PKD2L2: variants seen among roughly 807,000 people sequenced by gnomAD.
PKD2L2 encodes polycystin-2-like protein 2.
A neutral mutation model predicts 83.9 loss-of-function variants in PKD2L2; 67 were observed. That is an observed-to-expected ratio of 0.80 (90% CI 0.66 to 0.98). The LOEUF is 0.98. PKD2L2 is among the 50% of genes least tolerant of loss of function. The pLI, the probability that PKD2L2 is intolerant of heterozygous loss-of-function variation, is 0.00. For synonymous variants in PKD2L2, 223 were observed against 237.8 expected, an observed-to-expected ratio of 0.94 and a Z score of 0.57; for missense variants, 632 against 717.2, an observed-to-expected ratio of 0.88 and a Z score of 1.36.
At chr5:137,936,730 C>CTTTGGG (rs1760456204) in intron 14 of PKD2L2, among the ~76,000 whole-genome samples, 1 of 152,370 alleles carries the variant, frequency 6.6e-6, no homozygotes, top group East Asian at 1.9e-4. Context: ...GCTGGGATGA[C>CTTTGGG]AGGCGTGAGC....
intron 8 of PKD2L2, among the ~76,000 whole-genome samples, chr5:137,916,475 C>CCTT (rs1274018088): frequency 1.8e-4 from 17 of 93,204 alleles, no homozygotes; most frequent in Non-Finnish European, 2.6e-4. Flanking sequence ...CACTTTTCTT[C>CCTT]TTTTTTTTTT....
chr5:137,931,236 C>T (rs568359227), intron 12 of PKD2L2, among the ~76,000 whole-genome samples: 20 of 152,232 alleles, frequency 1.3e-4, no homozygotes, highest in East Asian at 9.6e-4. Flanking sequence ...ATCAATCAGA[C>T]GGTCTTCACA....
intron 12 of PKD2L2, among the ~76,000 whole-genome samples, chr5:137,927,830 C>G (rs561374676): frequency 6.6e-6 from 1 of 152,226 alleles, no homozygotes; most frequent in East Asian, 1.9e-4. Flanking sequence ...AGGCTGGTCT[C>G]GAACTCTTTA....
rs1762202664 is a variant in PKD2L2, at chr5:137,942,638, T to C, written c.*272T>C. Reference sequence around the variant, plus strand: ...TCAGCTTCAAAAACTGCTGGGATTATAGGCATGAGCCACTGTGCCTGGCTA... The same window carrying C: ...TCAGCTTCAAAAACTGCTGGGATTACAGGCATGAGCCACTGTGCCTGGCTA... On this transcript the variant is annotated 3_prime_UTR_variant, in exon 15 of 15. Transcript: ENST00000508883. 2.4e-5 allele frequency: 11 copies of C among 449,346 alleles called. No homozygotes were observed. Among genetic ancestry groups the C allele is most frequent in the African/African-American group, 4.1e-5 (2 of 48,426 alleles). 27.8% of individuals were successfully genotyped at this position (449,346 alleles called of 1,614,324 possible).
rs1757370497 is a variant in PKD2L2, at chr5:137,906,422, G to T, written c.963G>T (p.Leu321Phe). Reference protein sequence around the residue: ...YFKSIWNWLELLLLLLCFVAV... With the variant: ...YFKSIWNWLEFLLLLLCFVAV... ...AAAGTATTTGGAACTGGCTAGAATT[G>T]CTACTTTTGCTGGTGAGTATATATT... is the stretch of plus-strand genomic sequence containing the variant. Residue 321 changes from leucine (L) to phenylalanine (F), a missense_variant, in exon 6 of 15, where the codon TTG becomes TTT. By Grantham distance (22) the Leu-to-Phe change is conservative (BLOSUM62 0). Transcript: ENST00000508883. 2 of 1,579,598 alleles carry T rather than the reference G, an allele frequency of 1.3e-6. No homozygotes were observed. Among genetic ancestry groups the T allele is most frequent in the African/African-American group, 2.7e-5 (2 of 74,066 alleles).
At chr5:137,940,459 G>C in intron 14 of PKD2L2, 1 of 557,486 alleles carries the variant, frequency 1.8e-6, no homozygotes, top group Non-Finnish European at 2.9e-6. Flanking sequence ...CAAATAAAAA[G>C]TTGTTCTGTT....
At position 137,907,831 on chromosome 5, in the gene PKD2L2, T is replaced by C; in HGVS notation, c.1065T>C (p.Tyr355=). The C allele has an allele frequency of 6.4e-7, 1 of 1,563,108 alleles. No individual in the cohort carries two copies. Among genetic ancestry groups the C allele is most frequent in the Admixed American group, 1.7e-5 (1 of 59,336 alleles). The part of the protein sequence containing the change: ...LGQLLKSTEK[Y]SDFYFLACWH... The stretch of plus-strand genomic sequence containing the variant: ...AGCTGTTGAAAAGTACTGAAAAATA[T>C]TCAGATTTCTATTTTCTTGCATGCT... Residue 355 remains tyrosine (Y), a synonymous_variant, in exon 7 of 15, where the codon TAT becomes TAC. Coordinates refer to ENST00000508883, the MANE Select transcript of PKD2L2 (RefSeq NM_001300921.2).
At chr5:137,914,927 T>C (rs750286764) in intron 8 of PKD2L2, among the ~76,000 whole-genome samples, 1 of 152,246 alleles carries the variant, frequency 6.6e-6, no homozygotes, top group Non-Finnish European at 1.5e-5. Flanking sequence ...ATCACATTTA[T>C]TGATTTGTGT....
intron 5 of PKD2L2, among the ~76,000 whole-genome samples, chr5:137,901,293 T>C (rs1359432465): frequency 6.6e-6 from 1 of 152,140 alleles, no homozygotes; most frequent in Non-Finnish European, 1.5e-5. Context: ...ATAGCAGAAG[T>C]AGCTTTTGCC....
At chr5:137,937,688 T>C (rs1293357401) in intron 14 of PKD2L2, among the ~76,000 whole-genome samples, 2 of 152,224 alleles carry the variant, frequency 1.3e-5, no homozygotes, top group Non-Finnish European at 2.9e-5. Flanking sequence ...GTACATCCAG[T>C]GTTCTTAATA....
At chr5:137,921,852 G>C (rs1295598378) in intron 9 of PKD2L2, 96 bp downstream of exon 9, 3 of 944,816 alleles carry the variant, frequency 3.2e-6, no homozygotes, top group Non-Finnish European at 3.2e-6. Flanking sequence ...TCAGCTGTCA[G>C]AGTACTTTAC....
chr5:137,894,486 T>C lies in PKD2L2; in HGVS notation c.401T>C (p.Leu134Pro). The C allele has an allele frequency of 6.2e-7, 1 of 1,614,070 alleles. No homozygotes were observed. Among genetic ancestry groups the C allele is most frequent in the Non-Finnish European group, 8.5e-7 (1 of 1,179,954 alleles). Residue 134 changes from leucine to proline, a missense_variant, in exon 4 of 15, where the codon CTA (leucine) becomes CCA (proline). Physicochemically the swap from Leu to Pro is moderately conservative, Grantham distance 98. Transcript: ENST00000508883. ...ILLGVPRVRQLKVRNNTCKVY... is the reference protein window; with the variant it reads ...ILLGVPRVRQPKVRNNTCKVY... Reference sequence around the variant, plus strand: ...CTAGGAGTTCCCAGAGTTCGTCAACTAAAAGTCCGCAACAACACATGCAAA... The same window carrying C: ...CTAGGAGTTCCCAGAGTTCGTCAACCAAAAGTCCGCAACAACACATGCAAA...
intron 14 of PKD2L2, among the ~76,000 whole-genome samples, chr5:137,941,055 G>A (rs951518635): frequency 6.6e-6 from 1 of 151,990 alleles, no homozygotes; most frequent in African/African-American, 2.4e-5. Flanking sequence ...ACAGGTGCCC[G>A]CCACCACGCC....
chr5:137,923,569 T>C (rs1279099503), intron 10 of PKD2L2, 48 bp downstream of exon 10: 6 of 870,166 alleles, frequency 6.9e-6, no homozygotes, highest in South Asian at 1.3e-5. Context: ...AAACCTCATA[T>C]AGTTTATCCT....
Position 137,892,634 on chromosome 5 carries a change from G to A in PKD2L2, c.267+21G>A, listed in dbSNP as rs762861467. 4 of 1,605,380 alleles carry A rather than the reference G, an allele frequency of 2.5e-6. No individual in the cohort carries two copies. In the Admixed American group the frequency reaches 5.1e-5, roughly 21 times the overall value. On this transcript the variant is annotated intron_variant, in intron 3 of 14. Transcript: ENST00000508883. ...GGAAGGTAAAGTATCTTGTGACTGT[G>A]GATGAAGTAGATTTAGGTAGTCCAT...
chr5:137,932,907 C>G (rs1759992717), intron 12 of PKD2L2, among the ~76,000 whole-genome samples: 1 of 152,112 alleles, frequency 6.6e-6, no homozygotes, highest in African/African-American at 2.4e-5. Flanking sequence ...GATACTCAAT[C>G]TGTACTTCTT....
At chr5:137,910,072 A>C (rs1757688099) in intron 8 of PKD2L2, among the ~76,000 whole-genome samples, 1 of 151,908 alleles carries the variant, frequency 6.6e-6, no homozygotes, top group African/African-American at 2.4e-5. Context: ...AAAAACAAAA[A>C]ACAACTAGCT....
chr5:137,941,819 A>G, intron 14 of PKD2L2: 2 of 754,194 alleles, frequency 2.7e-6, no homozygotes, highest in East Asian at 2.7e-5. Flanking sequence ...GGAATGTTTT[A>G]AAATTTTTCA....
chr5:137,904,059 G>A (rs1260528043), intron 5 of PKD2L2, among the ~76,000 whole-genome samples: 1 of 152,114 alleles, frequency 6.6e-6, no homozygotes, highest in African/African-American at 2.4e-5. Context: ...CCCAGCCTAC[G>A]TTGTATTTAT....
Sources: allele counts gnomAD v4.1 joint callset (sites outside exome capture counted in the v4.1 genomes callset), GRCh38; gene constraint gnomAD v4.1.1; transcripts MANE v1.5; gene names NCBI Gene and HGNC (gene_info 2026-07-23, HGNC 2026-07-21).